The following APBB2 variants were observed in gnomAD, a reference collection of about 807,000 sequenced individuals.
APBB2 encodes the protein amyloid beta precursor protein binding family B member 2.
A neutral mutation model predicts 82.5 loss-of-function variants in APBB2; 38 were observed. The observed-to-expected ratio is 0.46, with a 90% CI of 0.36 to 0.60. The LOEUF is 0.60. APBB2 is among the 20% of genes least tolerant of loss of function. The probability of loss-of-function intolerance (pLI) is 0.00; values close to 1 mark genes in which losing one functional copy is unlikely to be tolerated. For synonymous variants in APBB2, 341 were observed against 368.2 expected (o/e 0.93, Z 0.85); for missense variants, 772 against 972.3 (o/e 0.79, Z 2.74).
At chr4:41,110,610 A>G (rs2153980578) in intron 2 of APBB2, among the ~76,000 whole-genome samples, 1 of 152,160 alleles carries the variant, frequency 6.6e-6, no homozygotes, top group East Asian at 1.9e-4. Context: ...TCTCAAAAAA[A>G]AAAAAAAAAA....
intron 3 of APBB2, among the ~76,000 whole-genome samples, chr4:41,075,406 A>G (rs542555145): frequency 2.0e-5 from 3 of 152,356 alleles, no homozygotes; most frequent in South Asian, 4.1e-4. Context: ...TGGTGTTTAC[A>G]TGTTCAATGA....
intron 3 of APBB2, 109 bp downstream of exon 3, chr4:41,100,530 A>G (rs547906737): frequency 9.9e-5 from 15 of 152,276 alleles, no homozygotes; most frequent in Admixed American, 7.8e-4. Flanking sequence ...GAAAACATAT[A>G]AAATTTATTA....
chr4:40,823,650 A>G lies in APBB2; in HGVS notation c.1926T>C (p.Ser642=). The G allele has an allele frequency of 6.2e-7, 1 of 1,608,580 alleles. No homozygotes were observed. The highest frequency in any genetic ancestry group is 8.5e-7 in the Non-Finnish European group (1 of 1,175,118). ...NVADATVTVI[S]EKNEEEVLVE... is the part of the protein sequence containing the mutation. ...ATCGAAGATTCCTTCTCACCTTTTCACTGATGACAGTCACAGTGGCATCAG... is the reference window on the plus strand; with the variant it reads ...ATCGAAGATTCCTTCTCACCTTTTCGCTGATGACAGTCACAGTGGCATCAG... The change falls in exon 16 of 18, where the codon AGT becomes AGC. Residue 642 remains serine, a synonymous_variant. Transcript: ENST00000508593.
At chr4:40,952,692 C>T (rs1337909270) in intron 6 of APBB2, among the ~76,000 whole-genome samples, 1 of 152,160 alleles carries the variant, frequency 6.6e-6, no homozygotes, top group Non-Finnish European at 1.5e-5. Flanking sequence ...TCATACATAT[C>T]GCTGCATTTA....
intron 4 of APBB2, among the ~76,000 whole-genome samples, chr4:41,049,417 T>C (rs1724982794): frequency 2.4e-5 from 3 of 126,496 alleles, no homozygotes; most frequent in Admixed American, 2.3e-4. Context: ...GGGAAGGAGA[T>C]GGGGGACAGC....
chr4:41,025,862 G>A (rs1321179939), intron 5 of APBB2, among the ~76,000 whole-genome samples: 1 of 150,560 alleles, frequency 6.6e-6, no homozygotes, highest in Non-Finnish European at 1.5e-5. Context: ...TGGGGGGTAG[G>A]GGTTGGGGGG....
chr4:40,943,515 G>A (rs942993557), intron 7 of APBB2, among the ~76,000 whole-genome samples: 1 of 152,126 alleles, frequency 6.6e-6, no homozygotes, highest in African/African-American at 2.4e-5. Flanking sequence ...TGTGGTACAG[G>A]GGGAATCCCA....
chr4:40,890,377 G>A lies in APBB2; in HGVS notation c.1516C>T (p.Arg506Cys), dbSNP rs770349315. ...CCAGGGACTCACCGGCCATTGTCGC[G>A]GCCCACGCCCCACACGCGGATGCTG... Reference protein sequence around the residue: ...IVSIRVWGVGRDNGRDFAYVA... With the variant: ...IVSIRVWGVGCDNGRDFAYVA... The change falls in exon 12 of 18, where the codon CGC becomes TGC. Residue 506 changes from arginine (R) to cysteine (C), a missense_variant. Arg to Cys is a radical substitution (Grantham distance 180). Transcript: ENST00000508593. The A allele has an allele frequency of 1.6e-5, 26 of 1,612,516 alleles. No individual in the cohort carries two copies. The highest frequency in any genetic ancestry group is 1.7e-5 in the Non-Finnish European group (20 of 1,179,788).
At chr4:40,852,536 T>C (rs1209616367) in intron 12 of APBB2, among the ~76,000 whole-genome samples, 1 of 151,886 alleles carries the variant, frequency 6.6e-6, no homozygotes, top group Non-Finnish European at 1.5e-5. Flanking sequence ...ACAGAAAGGG[T>C]ACTGAAGGGT....
intron 1 of APBB2, among the ~76,000 whole-genome samples, chr4:41,184,113 G>C (rs1028174705): frequency 6.6e-6 from 1 of 151,994 alleles, no homozygotes; most frequent in African/African-American, 2.4e-5. Context: ...GTGCTCCTTA[G>C]AGAATCTAAG....
At position 40,856,881 on chromosome 4, in the gene APBB2, C is replaced by G. The variant is rs1474954422; in HGVS notation, c.1530-26304G>C. On this transcript the variant is annotated intron_variant, in intron 12 of 17. Transcript: ENST00000508593. ...GACCAGGCAACTCGCTAAGCGCTGA[C>G]TCGGGGAAGGGAGGGCGCAGCCTTT... 14 of 934,390 alleles carry G rather than the reference C, an allele frequency of 1.5e-5. No individual in the cohort carries two copies. The African/African-American group carries it at 2.3e-4, about 15-fold the overall frequency. The allele number at this position is 934,390 out of a possible 1,614,324, so 57.9% of individuals were successfully genotyped here. A position where few individuals can be genotyped will look rare whatever the true frequency, so the allele number is the denominator to read the frequency against.
intron 6 of APBB2, among the ~76,000 whole-genome samples, chr4:40,987,646 A>G (rs1178933470): frequency 6.6e-6 from 1 of 152,220 alleles, no homozygotes; most frequent in Non-Finnish European, 1.5e-5. Context: ...CTAGGACGTG[A>G]GAATTCTCAT....
At chr4:40,919,404 G>A (rs991718014) in intron 10 of APBB2, among the ~76,000 whole-genome samples, 2 of 152,158 alleles carry the variant, frequency 1.3e-5, no homozygotes, top group African/African-American at 2.4e-5. Context: ...CATTTCTCAC[G>A]TCATCAGGTG....
chr4:40,952,337 G>C (rs150567691), intron 6 of APBB2, among the ~76,000 whole-genome samples: 179 of 152,196 alleles, frequency 1.2e-3, no homozygotes, highest in Non-Finnish European at 1.9e-3. Context: ...CTTGCTGACT[G>C]TCTTCCTTAT....
chr4:41,160,441 C>T (rs547907811), intron 1 of APBB2, among the ~76,000 whole-genome samples: 13 of 152,298 alleles, frequency 8.5e-5, no homozygotes, highest in Non-Finnish European at 1.5e-5. Context: ...CTCTAGTTAG[C>T]AATCAGAATG....
chr4:40,844,536 G>A (rs1199867874), intron 12 of APBB2, among the ~76,000 whole-genome samples: 1 of 152,224 alleles, frequency 6.6e-6, no homozygotes, highest in Non-Finnish European at 1.5e-5. Flanking sequence ...GTCACCTGGG[G>A]GAGTGGCAGG....
chr4:40,986,551 G>C (rs1260409466), intron 6 of APBB2, among the ~76,000 whole-genome samples: 3 of 152,198 alleles, frequency 2.0e-5, no homozygotes, highest in Non-Finnish European at 4.4e-5. Context: ...TGGTATCAAT[G>C]CTTCCTTGTC....
Position 40,826,463 on chromosome 4 carries a change from TG to T in APBB2, c.1733-494del, listed in dbSNP as rs1749973965. On this transcript the variant is annotated intron_variant, in intron 14 of 17. Transcript: ENST00000508593. The surrounding 1 kb of genome is among the most constrained non-coding windows in gnomAD (Gnocchi z 4.5). ...TTGGCTCGCTGCAACCTCCATCTCC[TG>T]GGTTCTAGCAATTCTACAGGTGCAT... Among the ~76,000 whole-genome samples the T allele has an allele frequency of 6.6e-6, 1 of 151,920 alleles. No individual in the cohort carries two copies. Among genetic ancestry groups the T allele is most frequent in the Non-Finnish European group, 1.5e-5 (1 of 67,990 alleles).
chr4:41,043,576 GCTTA>G (rs1722305835), intron 4 of APBB2, among the ~76,000 whole-genome samples: 1 of 152,028 alleles, frequency 6.6e-6, no homozygotes, highest in South Asian at 2.1e-4. Context: ...AAAACAAATA[GCTTA>G]CTACAAAGAA....
Sources: gnomAD v4.1 joint callset for allele counts (sites outside exome capture counted in the v4.1 genomes callset) on GRCh38, gnomAD v4.1.1 for gene constraint, Gnocchi (gnomAD v3.1) non-coding constraint, MANE v1.5 for transcripts, NCBI Gene and HGNC (gene_info 2026-07-23, HGNC 2026-07-21) for gene names.